Variants in DNAH6 observed in about 807,000 individuals in gnomAD.
The protein encoded by DNAH6 is axonemal beta dynein heavy chain 6.
A neutral mutation model predicts 491.4 loss-of-function variants in DNAH6; 340 were observed. That is an observed-to-expected ratio of 0.69 (90% confidence interval 0.63 to 0.76). DNAH6 has a LOEUF of 0.76. DNAH6 is among the 30% of genes least tolerant of loss of function. The pLI, the probability that DNAH6 is intolerant of heterozygous loss-of-function variation, is 0.00. For missense variants in DNAH6, 4,443 were observed against 4,972.2 expected, an observed-to-expected ratio of 0.89 and a Z score of 3.20; for synonymous variants, 1,603 against 1,686.1, an observed-to-expected ratio of 0.95 and a Z score of 1.21.
chr2:84,707,497 T>C, intron 53 of DNAH6, 23 bp from the exon 54 acceptor site: 1 of 1,527,152 alleles, frequency 6.5e-7, no homozygotes, highest in Non-Finnish European at 8.8e-7. Context: ...TAGTATAATC[T>C]GATTTTCTTA....
At chr2:84,553,214 G>A (rs1350453230) in intron 10 of DNAH6, among the ~76,000 whole-genome samples, 180 bp downstream of exon 10, 2 of 152,178 alleles carry the variant, frequency 1.3e-5, no homozygotes, top group East Asian at 1.9e-4. Context: ...TAAAAGTTTA[G>A]CACATTATCT....
intron 11 of DNAH6, among the ~76,000 whole-genome samples, chr2:84,561,539 A>G (rs1207322612): frequency 6.6e-6 from 1 of 152,168 alleles, no homozygotes; most frequent in African/African-American, 2.4e-5. Context: ...ATTGACAAAC[A>G]GGATCTAATT....
chr2:84,460,497 C>T, the DNAH6 span, among the ~76,000 whole-genome samples: 5,992 of 152,258 alleles, frequency 0.039, 170 homozygotes, highest in Non-Finnish European at 0.065. Flanking sequence ...TGTTTAGTTT[C>T]ATTTAATTGA....
Position 84,588,962 on chromosome 2 carries a change from C to T in DNAH6, c.2610+8C>T, listed in dbSNP as rs896290255. ...TATCAGAAGAATTTTAAGGTAATGA[C>T]AGTTTTACACCATCTGTCTTAGAAA... On this transcript the variant is annotated splice_region_variant and intron_variant, in intron 16 of 76. Coordinates refer to ENST00000389394, the MANE Select transcript of DNAH6 (RefSeq NM_001370.2). The T allele has an allele frequency of 6.5e-7, 1 of 1,539,802 alleles. No individual in the cohort carries two copies. Among genetic ancestry groups the T allele is most frequent in the East Asian group, 2.5e-5 (1 of 40,550 alleles).
chr2:84,815,834 A>G (rs2105349555), intron 75 of DNAH6, 27 bp from the exon 76 acceptor site: 3 of 1,517,396 alleles, frequency 2.0e-6, no homozygotes, highest in Middle Eastern at 1.8e-4. Context: ...CCCCCATCTC[A>G]CTTTGAGACT....
chr2:84,672,128 C>T (rs1006791091), intron 39 of DNAH6, among the ~76,000 whole-genome samples, 199 bp from the exon 40 acceptor site: 5 of 152,268 alleles, frequency 3.3e-5, no homozygotes, highest in African/African-American at 7.2e-5. Flanking sequence ...ACAACGTGGA[C>T]GTCTTGACCA....
chr2:84,595,668 C>T lies in DNAH6; in HGVS notation c.2747C>T (p.Pro916Leu). 1 of 1,544,956 alleles carries T rather than the reference C, an allele frequency of 6.5e-7. No homozygotes were observed. The highest frequency in any genetic ancestry group is 8.7e-7 in the Non-Finnish European group (1 of 1,144,578). Residue 916 changes from proline to leucine, a missense_variant, in exon 18 of 77, where the codon CCA becomes CTA. By Grantham distance (98) the Pro-to-Leu change is moderately conservative. Coordinates refer to ENST00000389394, the MANE Select transcript of DNAH6 (RefSeq NM_001370.2). Reference protein sequence around the residue: ...WLKSKFDCLDPEVLNGQVSKY... With the variant: ...WLKSKFDCLDLEVLNGQVSKY... Reference sequence around the variant, plus strand: ...TAGTCCAAATTTGATTGCCTGGATCCAGAAGTCCTAAACGGTCAAGTTTCT... The same window carrying T: ...TAGTCCAAATTTGATTGCCTGGATCTAGAAGTCCTAAACGGTCAAGTTTCT...
chr2:84,682,743 G>T (rs10520395), intron 42 of DNAH6, among the ~76,000 whole-genome samples: 45 of 152,088 alleles, frequency 3.0e-4, no homozygotes, highest in African/African-American at 7.2e-4. Flanking sequence ...AATATATCCC[G>T]AATCTAACCA....
chr2:84,593,948 AT>A, intron 16 of DNAH6, 23 bp from the exon 17 acceptor site: 1 of 1,400,558 alleles, frequency 7.1e-7, no homozygotes, highest in Non-Finnish European at 9.8e-7. Context: ...TAAATTACGC[AT>A]TTTGTTTACT....
At chr2:84,690,376 C>T (rs948466491) in intron 45 of DNAH6, among the ~76,000 whole-genome samples, 2 of 152,184 alleles carry the variant, frequency 1.3e-5, no homozygotes, top group East Asian at 3.8e-4. Context: ...CCAGATGCCA[C>T]TTGCTTCCCC....
rs532926921 is a variant in DNAH6, at chr2:84,778,778, T to C, written c.10704-2715T>C. ...CCCAAAGTGCTGGGATTACAGGCAC[T>C]GCACCCAGACACACTGTAAACTTTT... On this transcript the variant is annotated intron_variant, in intron 64 of 76. Coordinates refer to ENST00000389394, the MANE Select transcript of DNAH6 (RefSeq NM_001370.2). Among the ~76,000 whole-genome samples the C allele has an allele frequency of 3.3e-4, 51 of 152,280 alleles. 1 individual carries two copies. Among genetic ancestry groups the C allele is most frequent in the South Asian group, 1.2e-3 (6 of 4,830 alleles).
At position 84,583,001 on chromosome 2, in the gene DNAH6, A is replaced by G. The variant is rs1431519504; in HGVS notation, c.2230-998A>G. On this transcript the variant is annotated intron_variant, in intron 14 of 76. Transcript: ENST00000389394. ...CTGTGGCCAGGAAATTGGGCCAAGTAGTACGAACATGGCTGCTCCCTCTAT... is the reference window on the plus strand; with the variant it reads ...CTGTGGCCAGGAAATTGGGCCAAGTGGTACGAACATGGCTGCTCCCTCTAT... Among the ~76,000 whole-genome samples the G allele has an allele frequency of 4.6e-5, 7 of 152,352 alleles. No individual in the cohort carries two copies. The East Asian group carries it at 1.3e-3, about 29-fold the overall frequency.
chr2:84,579,736 C>A, intron 14 of DNAH6, 57 bp downstream of exon 14: 2 of 1,430,944 alleles, frequency 1.4e-6, no homozygotes, highest in East Asian at 2.4e-5. Flanking sequence ...GGAAGGAAGA[C>A]ATAGGACAAG....
chr2:84,690,073 A>G (rs776122718), intron 45 of DNAH6, among the ~76,000 whole-genome samples: 8 of 152,212 alleles, frequency 5.3e-5, no homozygotes, highest in East Asian at 1.9e-4. Flanking sequence ...TCCAGATTTG[A>G]TATCATATTC....
chr2:84,583,422 G>C (rs901020626), intron 14 of DNAH6, among the ~76,000 whole-genome samples: 2 of 152,226 alleles, frequency 1.3e-5, no homozygotes, highest in Non-Finnish European at 2.9e-5. Flanking sequence ...TAAGAGCTCA[G>C]CTCTGAATAA....
At chr2:84,519,038 C>T (rs1379340166) in intron 2 of DNAH6, among the ~76,000 whole-genome samples, 5 of 151,980 alleles carry the variant, frequency 3.3e-5, no homozygotes, top group African/African-American at 1.2e-4. Context: ...GAGTGAGATC[C>T]TATCTCTAAA....
At chr2:84,621,392 A>T (rs1186926333) in intron 25 of DNAH6, 37 bp downstream of exon 25, 7 of 1,547,290 alleles carry the variant, frequency 4.5e-6, no homozygotes, top group Non-Finnish European at 5.2e-6. Flanking sequence ...CTGAATTCTT[A>T]TTTGGTGATA....
chr2:84,807,780 C>T (rs1386952592), intron 71 of DNAH6, among the ~76,000 whole-genome samples: 1 of 152,222 alleles, frequency 6.6e-6, no homozygotes, highest in Admixed American at 6.5e-5. Context: ...CCAACCCCCT[C>T]ATTCCACATT....
chr2:84,653,650 G>T lies in DNAH6; in HGVS notation c.5410G>T (p.Glu1804Ter). 1 of 1,551,084 alleles carries T rather than the reference G, an allele frequency of 6.4e-7. No homozygotes were observed. The highest frequency in any genetic ancestry group is 8.7e-7 in the Non-Finnish European group (1 of 1,146,562). Residue 1804 changes from glutamate to a stop codon, truncating the protein, a stop_gained, in exon 34 of 77, where the codon GAG (glutamate) becomes TAG (stop). Coordinates refer to ENST00000389394, the MANE Select transcript of DNAH6 (RefSeq NM_001370.2). LOFTEE classifies it high-confidence loss of function. ...KSITMGELYG[E>*]VNNLTLEWKD... is the part of the protein sequence containing the mutation. ...AATTACCATGGGTGAATTATATGGAGAGGTTAATAACTTAACCTTGGAATG... is the reference window on the plus strand; with the variant it reads ...AATTACCATGGGTGAATTATATGGATAGGTTAATAACTTAACCTTGGAATG...
Sources: allele counts gnomAD v4.1 joint callset (sites outside exome capture counted in the v4.1 genomes callset), GRCh38; gene constraint gnomAD v4.1.1; transcripts MANE v1.5; gene names NCBI Gene and HGNC (gene_info 2026-07-23, HGNC 2026-07-21).